Variants in SMARCAD1 observed in about 807,000 individuals in gnomAD.
The protein encoded by SMARCAD1 is SNF2 related chromatin remodeling ATPase with DExD box 1, also known as SWI/SNF-related matrix-associated actin-dependent regulator of chromatin subfamily A containing DEAD/H box 1.
In SMARCAD1, 25 loss-of-function variants were observed where a neutral mutation model predicts 127.1. That is an observed-to-expected ratio of 0.20 (90% CI 0.14 to 0.27). The LOEUF (loss-of-function observed/expected upper bound fraction) is 0.27. Among genes scored for constraint, SMARCAD1 ranks in the 10% least tolerant of loss-of-function variants. The probability of loss-of-function intolerance (pLI) is 1.00; values close to 1 mark genes in which losing one functional copy is unlikely to be tolerated. For synonymous variants in SMARCAD1, 400 were observed against 396.9 expected, an observed-to-expected ratio of 1.01 and a Z score of -0.09; for missense variants, 807 against 1,206.0, an observed-to-expected ratio of 0.67 and a Z score of 4.90.
intron 2 of SMARCAD1, among the ~76,000 whole-genome samples, chr4:94,209,350 A>G (rs1741811928): frequency 6.6e-6 from 1 of 152,230 alleles, no homozygotes; most frequent in African/African-American, 2.4e-5. Flanking sequence ...TGAGATTCAG[A>G]GAGGTTATTA....
chr4:94,223,054 A>T (rs1744404899), intron 2 of SMARCAD1, among the ~76,000 whole-genome samples: 2 of 152,190 alleles, frequency 1.3e-5, no homozygotes, highest in Non-Finnish European at 2.9e-5. Flanking sequence ...GAAAAGGTCA[A>T]TAAAGAGTCA....
chr4:94,263,492 T>G (rs1359325578), intron 9 of SMARCAD1, among the ~76,000 whole-genome samples: 10 of 152,034 alleles, frequency 6.6e-5, no homozygotes. Context: ...TATTTAACAG[T>G]GCCATTTTTG....
rs139451649 is a variant in SMARCAD1 at position 94,274,845 on chromosome 4, T to A, written c.1733-45T>A. On this transcript the variant is annotated intron_variant, in intron 13 of 23. Coordinates refer to ENST00000354268, the MANE Select transcript of SMARCAD1 (RefSeq NM_020159.5). ...TTAACTTTGGAAATTAAAAATAAAG[T>A]ACAGCACAATAAATAGTCATGTGTT... is the stretch of plus-strand genomic sequence containing the variant. 3.1e-6 allele frequency: 5 copies of A among 1,604,646 alleles called. No homozygotes were observed. In the East Asian group the frequency reaches 8.9e-5, roughly 29 times the overall value.
In SMARCAD1 at chr4:94,291,047, A is replaced by ACC. The variant is rs762484446; in HGVS notation, c.*1514_*1515dup. Reference sequence around the variant, plus strand: ...AAAGGAGTCTTCATGTGTTAATACTACCTCCTTGTACATCACTATACCCAA... The same window carrying ACC: ...AAAGGAGTCTTCATGTGTTAATACTACCCCTCCTTGTACATCACTATACCCAA... On this transcript the variant is annotated 3_prime_UTR_variant, in exon 24 of 24. Transcript: ENST00000354268. 2.3e-6 allele frequency: 1 copy of ACC among 439,302 alleles called. No homozygotes were observed. Among genetic ancestry groups the ACC allele is most frequent in the South Asian group, 1.6e-5 (1 of 60,860 alleles). The allele number at this position is 439,302 out of a possible 1,614,324, so 27.2% of individuals were successfully genotyped here.
chr4:94,241,031 A>G (rs1747499200), intron 6 of SMARCAD1, 25 bp downstream of exon 6: 2 of 1,553,576 alleles, frequency 1.3e-6, no homozygotes, highest in Admixed American at 3.3e-5. Context: ...GAATTACAGT[A>G]TCAAAATTGG....
intron 16 of SMARCAD1, 72 bp downstream of exon 16, chr4:94,277,231 T>G: frequency 6.4e-7 from 1 of 1,554,894 alleles, no homozygotes; most frequent in Non-Finnish European, 8.9e-7. Context: ...CTGTTAGGTC[T>G]CTTTTGTTGT....
intron 9 of SMARCAD1, chr4:94,264,393 A>G (rs1289332497): frequency 4.4e-6 from 1 of 227,638 alleles, no homozygotes; most frequent in East Asian, 1.0e-4. Context: ...GATAGTAACA[A>G]TTACTTGTGA....
intron 6 of SMARCAD1, among the ~76,000 whole-genome samples, chr4:94,244,983 A>G (rs1748196621): frequency 6.6e-6 from 1 of 152,216 alleles, no homozygotes; most frequent in African/African-American, 2.4e-5. Context: ...AGAAGTGGTT[A>G]CAGAATGTTG....
intron 12 of SMARCAD1, among the ~76,000 whole-genome samples, chr4:94,274,003 AAG>A (rs1752910793): frequency 6.6e-6 from 1 of 152,238 alleles, no homozygotes; most frequent in African/African-American, 2.4e-5. Flanking sequence ...AAAAGTGACT[AAG>A]AGAAAATGAG....
chr4:94,283,666 A>C (rs1018473091), intron 22 of SMARCAD1, among the ~76,000 whole-genome samples: 11 of 152,126 alleles, frequency 7.2e-5, no homozygotes, highest in Non-Finnish European at 1.3e-4. Flanking sequence ...TCTATTAAAA[A>C]TACAAAAAAT....
At chr4:94,224,015 G>A (rs1293038831) in intron 2 of SMARCAD1, among the ~76,000 whole-genome samples, 2 of 152,006 alleles carry the variant, frequency 1.3e-5, no homozygotes, top group Non-Finnish European at 2.9e-5. Flanking sequence ...TTAGATTTGT[G>A]ATACATCAGC....
At chr4:94,242,084 A>C (rs962622350) in intron 6 of SMARCAD1, among the ~76,000 whole-genome samples, 1 of 151,794 alleles carries the variant, frequency 6.6e-6, no homozygotes, top group African/African-American at 2.4e-5. Flanking sequence ...CCCAGGCTGG[A>C]GTACAGTGGT....
Position 94,244,570 on chromosome 4 carries a change from T to A in SMARCAD1, c.705+3564T>A, listed in dbSNP as rs561447822. Among the ~76,000 whole-genome samples, 10 of 152,296 alleles carry A rather than the reference T, an allele frequency of 6.6e-5. No homozygotes were observed. In the South Asian group the frequency reaches 2.1e-3, roughly 32 times the overall value. ...TGTGATATTTGGCACCAGTGCCAAA[T>A]GGAGATTTGAAGCTGAAGCCAATAA... is the stretch of plus-strand genomic sequence containing the variant. On this transcript the variant is annotated intron_variant, in intron 6 of 23. Transcript: ENST00000354268.
At chr4:94,284,687 C>T (rs1754683157) in intron 22 of SMARCAD1, among the ~76,000 whole-genome samples, 1 of 151,568 alleles carries the variant, frequency 6.6e-6, no homozygotes, top group African/African-American at 2.4e-5. Context: ...CCTGCCTCAG[C>T]CTCCCAAAGT....
chr4:94,279,061 C>T lies in SMARCAD1; in HGVS notation c.2418+11C>T, dbSNP rs986051965. 6.2e-7 allele frequency: 1 copy of T among 1,613,790 alleles called. No homozygotes were observed. Among genetic ancestry groups the T allele is most frequent in the Admixed American group, 1.7e-5 (1 of 59,990 alleles). ...CAGCTTATGCTAAAGGTAAGGATTT[C>T]ATATTATGTTAACACTAAGCTTTAA... On this transcript the variant is annotated intron_variant, in intron 19 of 23. Coordinates refer to ENST00000354268, the MANE Select transcript of SMARCAD1 (RefSeq NM_020159.5).
At chr4:94,284,678 C>G (rs898183135) in intron 22 of SMARCAD1, among the ~76,000 whole-genome samples, 1 of 151,590 alleles carries the variant, frequency 6.6e-6, no homozygotes, top group Admixed American at 6.6e-5. Context: ...AGCAATCCAC[C>G]TGCCTCAGCC....
intron 6 of SMARCAD1, among the ~76,000 whole-genome samples, chr4:94,245,919 T>C (rs1748339830): frequency 6.6e-6 from 1 of 152,144 alleles, no homozygotes; most frequent in Non-Finnish European, 1.5e-5. Context: ...CATGATGACC[T>C]TTCTTTAAAA....
chr4:94,277,841 A>G (rs1753515934), intron 16 of SMARCAD1, among the ~76,000 whole-genome samples: 2 of 152,188 alleles, frequency 1.3e-5, no homozygotes, highest in African/African-American at 2.4e-5. Flanking sequence ...CACTTAATGT[A>G]CAGTGTTTTA....
At position 94,278,534 on chromosome 4, in the gene SMARCAD1, T is replaced by A. The variant is rs1380668681; in HGVS notation, c.2178+17T>A. 1 of 1,608,780 alleles carries A rather than the reference T, an allele frequency of 6.2e-7. No homozygotes were observed. Among genetic ancestry groups the A allele is most frequent in the Non-Finnish European group, 8.5e-7 (1 of 1,175,518 alleles). The stretch of plus-strand genomic sequence containing the variant: ...AAAGAAGAGGTAATGCATATCTACA[T>A]GTTTTTTATTTTTATTGTTTTTAAA... On this transcript the variant is annotated intron_variant, in intron 17 of 23. Transcript: ENST00000354268.
Sources: allele counts gnomAD v4.1 joint callset (sites outside exome capture counted in the v4.1 genomes callset), GRCh38; gene constraint gnomAD v4.1.1; transcripts MANE v1.5; gene names NCBI Gene and HGNC (gene_info 2026-07-23, HGNC 2026-07-21).